The following FRMD3 variants were observed in gnomAD, a reference collection of about 807,000 sequenced individuals.
FRMD3 encodes the protein FERM domain-containing protein 3.
In FRMD3, 33 loss-of-function variants were observed where a neutral mutation model predicts 70.2. The observed-to-expected ratio is 0.47, with a 90% CI of 0.36 to 0.63. The LOEUF (loss-of-function observed/expected upper bound fraction) is 0.63. FRMD3 is among the 20% of genes least tolerant of loss of function. The pLI is 0.00. For synonymous variants in FRMD3, 279 were observed against 255.9 expected (o/e 1.09, Z -0.86); for missense variants, 632 against 711.4 (o/e 0.89, Z 1.27).
intron 1 of FRMD3, among the ~76,000 whole-genome samples, chr9:83,394,699 T>C (rs1024343569): frequency 1.2e-4 from 19 of 152,182 alleles, no homozygotes; most frequent in Non-Finnish European, 2.6e-4. Context: ...CTTATCATTC[T>C]CTCACAGAAC....
At chr9:83,471,229 C>G (rs1324401525) in intron 1 of FRMD3, among the ~76,000 whole-genome samples, 1 of 152,186 alleles carries the variant, frequency 6.6e-6, no homozygotes, top group Non-Finnish European at 1.5e-5. Flanking sequence ...GCTGGTCAAA[C>G]TGGCACAAAT....
chr9:83,459,292 T>C (rs1361797112), intron 1 of FRMD3, among the ~76,000 whole-genome samples: 2 of 152,178 alleles, frequency 1.3e-5, no homozygotes, highest in Non-Finnish European at 2.9e-5. Flanking sequence ...ATCTGGCTTG[T>C]TCACTTCCAA....
Position 83,245,940 on chromosome 9 carries a change from G to A in FRMD3, c.*1978C>T. The stretch of plus-strand genomic sequence containing the variant: ...TTCCTAAATCAGTATCAACTTTCAG[G>A]TAATAAACAAACAATCTTTATTTAA... On this transcript the variant is annotated 3_prime_UTR_variant, in exon 14 of 14. Transcript: ENST00000304195. 1 of 981,200 alleles carries A rather than the reference G, an allele frequency of 1.0e-6. No individual in the cohort carries two copies. The highest frequency in any genetic ancestry group is 1.2e-6 in the Non-Finnish European group (1 of 826,214). 60.8% of individuals were successfully genotyped at this position (981,200 alleles called of 1,614,324 possible). A position where few individuals can be genotyped will look rare whatever the true frequency, so the allele number is the denominator to read the frequency against.
intron 3 of FRMD3, among the ~76,000 whole-genome samples, chr9:83,366,919 G>A (rs1449646907): frequency 1.3e-5 from 2 of 152,054 alleles, no homozygotes; most frequent in Admixed American, 6.5e-5. Context: ...TGTAATCCCA[G>A]CTATTCAGGA....
intron 10 of FRMD3, among the ~76,000 whole-genome samples, chr9:83,303,987 T>C (rs1835021021): frequency 6.6e-6 from 1 of 152,224 alleles, no homozygotes; most frequent in South Asian, 2.1e-4. Context: ...AATGGACTCA[T>C]GCAATATGTG....
At chr9:83,501,262 C>A (rs1424826637) in intron 1 of FRMD3, among the ~76,000 whole-genome samples, 5 of 152,006 alleles carry the variant, frequency 3.3e-5, no homozygotes. Context: ...CCACTGCACT[C>A]CAGCCTGGGT....
chr9:83,575,183 A>G, the FRMD3 span, among the ~76,000 whole-genome samples: 4 of 152,194 alleles, frequency 2.6e-5, no homozygotes, highest in Non-Finnish European at 5.9e-5. Flanking sequence ...TATTTGAAAG[A>G]CATCCTCTCA....
chr9:83,354,160 A>T (rs1174908794), intron 3 of FRMD3, among the ~76,000 whole-genome samples: 1 of 152,194 alleles, frequency 6.6e-6, no homozygotes, highest in East Asian at 1.9e-4. Flanking sequence ...TCCTGACCTC[A>T]GGTGATCCAC....
chr9:83,356,299 A>T (rs1375948994), intron 3 of FRMD3, among the ~76,000 whole-genome samples: 15 of 110,344 alleles, frequency 1.4e-4, no homozygotes, highest in Non-Finnish European at 2.4e-4. Context: ...TTTTTTTGAC[A>T]GAGTCTTGCT....
At chr9:83,579,977 A>G in the FRMD3 span, among the ~76,000 whole-genome samples, 3 of 152,156 alleles carry the variant, frequency 2.0e-5, no homozygotes, top group Non-Finnish European at 2.9e-5. Flanking sequence ...AAGAATCTGA[A>G]TAGGCCCTTC....
chr9:83,432,118 C>T (rs1030591183), intron 1 of FRMD3, among the ~76,000 whole-genome samples: 1 of 152,172 alleles, frequency 6.6e-6, no homozygotes, highest in Non-Finnish European at 1.5e-5. Context: ...CTGCCACACA[C>T]CTGGAAGCAA....
chr9:83,343,851 G>T (rs1465516561), intron 4 of FRMD3, among the ~76,000 whole-genome samples: 4 of 152,094 alleles, frequency 2.6e-5, no homozygotes, highest in Non-Finnish European at 5.9e-5. Flanking sequence ...TCCAGGGATG[G>T]CACACTCAGA....
At chr9:83,584,904 T>C in the FRMD3 span, among the ~76,000 whole-genome samples, 3 of 152,228 alleles carry the variant, frequency 2.0e-5, no homozygotes, top group African/African-American at 4.8e-5. Context: ...ACTTCTATTA[T>C]TGAATTAAGT....
intron 6 of FRMD3, 100 bp from the exon 7 acceptor site, chr9:83,313,847 G>C: frequency 1.2e-6 from 1 of 866,816 alleles, no homozygotes. Context: ...GCTAAATAAA[G>C]AGAAAAACCC....
the FRMD3 span, among the ~76,000 whole-genome samples, chr9:83,553,525 A>G: frequency 6.6e-6 from 1 of 152,174 alleles, no homozygotes; most frequent in African/African-American, 2.4e-5. Context: ...GCCTCTTTAC[A>G]TAATCCCATA....
chr9:83,512,582 C>T (rs955827459), intron 1 of FRMD3, among the ~76,000 whole-genome samples: 3 of 152,206 alleles, frequency 2.0e-5, no homozygotes, highest in African/African-American at 7.2e-5. Context: ...GTAGGGACTA[C>T]TGTGGTAGCA....
intron 1 of FRMD3, among the ~76,000 whole-genome samples, chr9:83,510,288 G>A (rs1829309850): frequency 6.6e-6 from 1 of 152,182 alleles, no homozygotes; most frequent in South Asian, 2.1e-4. Context: ...AGTTATCAGG[G>A]AAAGCCAAAT....
chr9:83,398,429 C>T (rs1825863666), intron 1 of FRMD3, among the ~76,000 whole-genome samples: 1 of 152,056 alleles, frequency 6.6e-6, no homozygotes, highest in African/African-American at 2.4e-5. Context: ...ATAGAGGAAC[C>T]TCTCATGGTT....
At position 83,514,758 on chromosome 9, in the gene FRMD3, G is replaced by A. The variant is rs569684034; in HGVS notation, c.147+23327C>T. ...ATGCCCCTCTAAGACAAAGCTTCCA[G>A]AGGAAGGAGCAAGCAGCAATCTTTG... On this transcript the variant is annotated intron_variant, in intron 1 of 13. Coordinates refer to ENST00000304195, the MANE Select transcript of FRMD3 (RefSeq NM_174938.6). Among the ~76,000 whole-genome samples the A allele has an allele frequency of 3.3e-5, 5 of 152,338 alleles. 1 individual carries two copies. The highest frequency in any genetic ancestry group is 9.6e-5 in the African/African-American group (4 of 41,580).
Sources: gnomAD v4.1 joint callset for allele counts (sites outside exome capture counted in the v4.1 genomes callset) on GRCh38, gnomAD v4.1.1 for gene constraint, MANE v1.5 for transcripts, NCBI Gene and HGNC (gene_info 2026-07-23, HGNC 2026-07-21) for gene names.